Variants in NTNG1 observed in about 807,000 individuals in gnomAD.
NTNG1 encodes the protein netrin-G1.
Under a neutral mutation model 54.0 loss-of-function variants are expected in NTNG1, and 16 were observed. That is an observed-to-expected ratio of 0.30 (90% CI 0.20 to 0.45). The LOEUF (loss-of-function observed/expected upper bound fraction) is 0.45. Ranked by LOEUF, NTNG1 falls within the 20% of genes least tolerant of loss-of-function variation. NTNG1 has a pLI of 1.00. For synonymous variants in NTNG1, 255 were observed against 263.1 expected, an observed-to-expected ratio of 0.97 and a Z score of 0.30; for missense variants, 530 against 678.7, an observed-to-expected ratio of 0.78 and a Z score of 2.43.
intron 6 of NTNG1, among the ~76,000 whole-genome samples, chr1:107,431,148 G>C (rs1675238220): frequency 6.6e-6 from 1 of 152,096 alleles, no homozygotes; most frequent in Admixed American, 6.6e-5. Context: ...GATGATCTCA[G>C]AAATCATGTT....
intron 2 of NTNG1, among the ~76,000 whole-genome samples, chr1:107,257,907 G>A (rs1663031301): frequency 6.6e-6 from 1 of 152,096 alleles, no homozygotes; most frequent in African/African-American, 2.4e-5. Context: ...TCCTTTTCAT[G>A]TTTCTCCTTT....
At chr1:107,360,452 T>C (rs935234391) in intron 3 of NTNG1, among the ~76,000 whole-genome samples, 5 of 152,228 alleles carry the variant, frequency 3.3e-5, no homozygotes, top group Non-Finnish European at 7.4e-5. Flanking sequence ...TATGGAATAC[T>C]CAAGGTGGAA....
chr1:107,408,182 T>C lies in NTNG1; in HGVS notation c.1087+474T>C, dbSNP rs12073368. ...TCCATGATACCAAGGGAAGGGAATTTTGTTAATGCATTAAATTCTATGTTT... is the reference window on the plus strand; with the variant it reads ...TCCATGATACCAAGGGAAGGGAATTCTGTTAATGCATTAAATTCTATGTTT... On this transcript the variant is annotated intron_variant, in intron 5 of 7. Transcript: ENST00000370068. 1.6e-3 allele frequency: 388 copies of C among 242,308 alleles called. 3 individuals are homozygous for C. Among genetic ancestry groups the C allele is most frequent in the African/African-American group, 8.7e-3 (375 of 43,270 alleles). 15.0% of individuals were successfully genotyped at this position (242,308 alleles called of 1,614,324 possible).
At chr1:107,308,423 G>C (rs1666812940) in intron 2 of NTNG1, among the ~76,000 whole-genome samples, 1 of 152,092 alleles carries the variant, frequency 6.6e-6, no homozygotes, top group African/African-American at 2.4e-5. Context: ...TTTCCCCATT[G>C]CTTGTTTTTG....
intron 2 of NTNG1, among the ~76,000 whole-genome samples, chr1:107,161,512 T>A (rs1462311569): frequency 6.6e-6 from 1 of 151,690 alleles, no homozygotes; most frequent in Non-Finnish European, 1.5e-5. Flanking sequence ...AATACAAAAA[T>A]TGGCCAGGTG....
chr1:107,385,299 C>T (rs904666802), intron 3 of NTNG1, among the ~76,000 whole-genome samples: 12 of 152,024 alleles, frequency 7.9e-5, no homozygotes, highest in African/African-American at 2.7e-4. Context: ...GTCCCCTCAC[C>T]GCCACGCCAC....
chr1:107,437,420 T>A (rs1186865428), intron 7 of NTNG1, among the ~76,000 whole-genome samples: 1 of 152,228 alleles, frequency 6.6e-6, no homozygotes, highest in Admixed American at 6.5e-5. Context: ...CTTCAAAGCT[T>A]GTCAAGGCAC....
chr1:107,221,773 G>A (rs1179466153), intron 2 of NTNG1, among the ~76,000 whole-genome samples: 1 of 151,988 alleles, frequency 6.6e-6, no homozygotes, highest in Non-Finnish European at 1.5e-5. Context: ...AAAGAGAGTG[G>A]GACATTTTTG....
intron 3 of NTNG1, among the ~76,000 whole-genome samples, chr1:107,361,092 T>C (rs1670236369): frequency 6.8e-6 from 1 of 146,812 alleles, no homozygotes; most frequent in African/African-American, 2.5e-5. Flanking sequence ...TTGAAATGGG[T>C]TTGAAAAAAT....
chr1:107,280,157 CTT>C (rs59501395), intron 2 of NTNG1, among the ~76,000 whole-genome samples: 2 of 103,942 alleles, frequency 1.9e-5, no homozygotes, highest in African/African-American at 4.1e-5. Flanking sequence ...CGGTGCTAAC[CTT>C]TTTTTTTTTT....
At chr1:107,419,256 C>G (rs1674426974) in intron 5 of NTNG1, among the ~76,000 whole-genome samples, 1 of 151,466 alleles carries the variant, frequency 6.6e-6, no homozygotes, top group Admixed American at 6.6e-5. Flanking sequence ...CTCTCTCTCT[C>G]TCTGTCTTTC....
chr1:107,472,667 C>G (rs1678058686), intron 7 of NTNG1, among the ~76,000 whole-genome samples: 2 of 150,868 alleles, frequency 1.3e-5, no homozygotes, highest in Non-Finnish European at 3.0e-5. Flanking sequence ...CCCTTTGCAC[C>G]ATACTACCCC....
chr1:107,166,905 A>T (rs1655837787), intron 2 of NTNG1, among the ~76,000 whole-genome samples: 2 of 152,166 alleles, frequency 1.3e-5, no homozygotes, highest in African/African-American at 4.8e-5. Flanking sequence ...GCTGTCATTA[A>T]GTACCATGGG....
At chr1:107,254,329 C>CT (rs1301293640) in intron 2 of NTNG1, among the ~76,000 whole-genome samples, 1 of 152,228 alleles carries the variant, frequency 6.6e-6, no homozygotes, top group Non-Finnish European at 1.5e-5. Flanking sequence ...TGAATAAGCA[C>CT]TTACCAAGAT....
Position 107,455,683 on chromosome 1 carries a change from G to C in NTNG1, c.1390+18884G>C, listed in dbSNP as rs140838261. 4.4e-3 allele frequency: 1,979 copies of C among 454,784 alleles called. 9 individuals carry two copies. Among genetic ancestry groups the C allele is most frequent in the Middle Eastern group, 7.0e-3 (21 of 3,018 alleles). The allele number at this position is 454,784 out of a possible 1,614,324, so 28.2% of individuals were successfully genotyped here. ...GCCATTTCTGTGAAATGAGGTGACAGCACTGGAGAGCATGACAAGAACAAT... is the reference window on the plus strand; with the variant it reads ...GCCATTTCTGTGAAATGAGGTGACACCACTGGAGAGCATGACAAGAACAAT... On this transcript the variant is annotated intron_variant, in intron 7 of 7. Transcript: ENST00000370068.
At chr1:107,451,021 G>GT (rs1439294884) in intron 7 of NTNG1, among the ~76,000 whole-genome samples, 1 of 151,944 alleles carries the variant, frequency 6.6e-6, no homozygotes, top group Non-Finnish European at 1.5e-5. Context: ...TATCAGCTTG[G>GT]TGACTGTTAA....
intron 2 of NTNG1, among the ~76,000 whole-genome samples, chr1:107,202,730 T>C (rs1330341371): frequency 6.6e-6 from 1 of 151,918 alleles, no homozygotes; most frequent in Non-Finnish European, 1.5e-5. Flanking sequence ...CATGCACAGA[T>C]TCTTGTAACT....
At chr1:107,318,887 C>A (rs779796579) in intron 2 of NTNG1, among the ~76,000 whole-genome samples, 7 of 152,048 alleles carry the variant, frequency 4.6e-5, no homozygotes, top group Non-Finnish European at 8.8e-5. Context: ...CCCTTTTTGT[C>A]CTGAGGGCCA....
At chr1:107,153,000 A>G (rs536105866) in intron 2 of NTNG1, among the ~76,000 whole-genome samples, 5 of 152,342 alleles carry the variant, frequency 3.3e-5, no homozygotes, top group Non-Finnish European at 5.9e-5. Flanking sequence ...ATAGGCATTT[A>G]TTCAAGTACC....
Sources: gnomAD v4.1 joint callset for allele counts (sites outside exome capture counted in the v4.1 genomes callset) on GRCh38, gnomAD v4.1.1 for gene constraint, MANE v1.5 for transcripts, NCBI Gene and HGNC (gene_info 2026-07-23, HGNC 2026-07-21) for gene names.